The following MIS18A variants were observed in gnomAD, a reference collection of about 807,000 sequenced individuals.
MIS18A encodes the protein MIS18 kinetochore protein A.
A neutral mutation model predicts 25.0 loss-of-function variants in MIS18A; 14 were observed. The ratio of observed to expected loss-of-function variants is 0.56; its 90% CI spans 0.37 to 0.88. MIS18A has a LOEUF of 0.88. Among genes scored for constraint, MIS18A ranks in the 40% least tolerant of loss-of-function variants. The pLI, the probability that MIS18A is intolerant of heterozygous loss-of-function variation, is 0.00. For missense variants in MIS18A, 292 were observed against 290.8 expected, an observed-to-expected ratio of 1.00 and a Z score of -0.03; for synonymous variants, 134 against 118.6, an observed-to-expected ratio of 1.13 and a Z score of -0.84.
chr21:32,266,464 T>G (rs1481006748), downstream of MIS18A, among the ~76,000 whole-genome samples: 1 of 152,184 alleles, frequency 6.6e-6, no homozygotes, highest in Non-Finnish European at 1.5e-5. Flanking sequence ...GCAATAAATC[T>G]TGCTACTGCT....
At chr21:32,169,947 A>G in the MIS18A span, among the ~76,000 whole-genome samples, 2 of 152,214 alleles carry the variant, frequency 1.3e-5, no homozygotes, top group African/African-American at 2.4e-5. Flanking sequence ...TTTAATGTCC[A>G]GTATTCACAA....
At chr21:32,159,108 T>C in the MIS18A span, among the ~76,000 whole-genome samples, 3 of 152,198 alleles carry the variant, frequency 2.0e-5, no homozygotes, top group African/African-American at 7.2e-5. Context: ...ACAAAGATAT[T>C]GTACCTCTAA....
the MIS18A span, among the ~76,000 whole-genome samples, chr21:32,249,013 CT>C: frequency 3.9e-5 from 6 of 152,246 alleles, no homozygotes; most frequent in African/African-American, 1.4e-4. Context: ...AATGAAATTA[CT>C]TTTCCCCTGT....
At chr21:32,165,036 T>C in the MIS18A span, among the ~76,000 whole-genome samples, 1 of 152,112 alleles carries the variant, frequency 6.6e-6, no homozygotes, top group Non-Finnish European at 1.5e-5. Flanking sequence ...AGGATACAAT[T>C]AAAAAGGCAT....
At chr21:32,171,897 T>C in the MIS18A span, among the ~76,000 whole-genome samples, 3 of 152,000 alleles carry the variant, frequency 2.0e-5, no homozygotes, top group Admixed American at 2.0e-4. Flanking sequence ...GAAAACTTCA[T>C]ACTGCCAGAA....
At chr21:32,205,641 A>C in the MIS18A span, among the ~76,000 whole-genome samples, 1 of 152,124 alleles carries the variant, frequency 6.6e-6, no homozygotes, top group Non-Finnish European at 1.5e-5. Flanking sequence ...AATAAGAAAA[A>C]ATGACTTGTT....
chr21:32,156,138 C>T, the MIS18A span, among the ~76,000 whole-genome samples: 81,096 of 151,848 alleles, frequency 0.53, 21,850 homozygotes, highest in Middle Eastern at 0.68. Context: ...GAGATGTTTG[C>T]TTACCTTGGA....
chr21:32,275,384 A>C (rs2031791092), intron 1 of MIS18A, among the ~76,000 whole-genome samples: 1 of 152,324 alleles, frequency 6.6e-6, no homozygotes, highest in African/African-American at 2.4e-5. Flanking sequence ...TATCTGCCAG[A>C]TAGTGAAATT....
At chr21:32,214,913 G>A in the MIS18A span, among the ~76,000 whole-genome samples, 3 of 152,220 alleles carry the variant, frequency 2.0e-5, no homozygotes, top group Non-Finnish European at 4.4e-5. Flanking sequence ...GGTAAGTCCA[G>A]TGTGAGTCAA....
chr21:32,258,527 C>T, the MIS18A span, among the ~76,000 whole-genome samples: 2 of 152,072 alleles, frequency 1.3e-5, no homozygotes, highest in Non-Finnish European at 2.9e-5. Flanking sequence ...TGGTGAAATG[C>T]GGCCCCTTGT....
At chr21:32,158,303 A>C in the MIS18A span, among the ~76,000 whole-genome samples, 1 of 152,318 alleles carries the variant, frequency 6.6e-6, no homozygotes, top group East Asian at 1.9e-4. Flanking sequence ...TAAAGATATC[A>C]ATCTGAAGAA....
chr21:32,186,056 C>T, the MIS18A span, among the ~76,000 whole-genome samples: 1 of 152,114 alleles, frequency 6.6e-6, no homozygotes, highest in African/African-American at 2.4e-5. Flanking sequence ...TTTAATTTTG[C>T]TGCTGACAAT....
the MIS18A span, among the ~76,000 whole-genome samples, chr21:32,235,733 G>A: frequency 6.6e-6 from 1 of 152,168 alleles, no homozygotes; most frequent in Admixed American, 6.5e-5. Context: ...CCGCGTTCAG[G>A]CACGGTTTGA....
chr21:32,234,126 T>A, the MIS18A span, among the ~76,000 whole-genome samples: 2 of 152,218 alleles, frequency 1.3e-5, no homozygotes, highest in Non-Finnish European at 2.9e-5. Flanking sequence ...AAATGTACCA[T>A]AGCAGTGTTA....
chr21:32,275,895 T>TC (rs2123470824), intron 1 of MIS18A, among the ~76,000 whole-genome samples: 1 of 152,160 alleles, frequency 6.6e-6, no homozygotes, highest in East Asian at 1.9e-4. Flanking sequence ...CCCTGGCTCT[T>TC]CACTAACCTC....
chr21:32,186,663 TGAGA>T, the MIS18A span, among the ~76,000 whole-genome samples: 3 of 151,554 alleles, frequency 2.0e-5, no homozygotes, highest in African/African-American at 4.9e-5. Flanking sequence ...AGCGCAAGAG[TGAGA>T]GAGAGAAAGA....
chr21:32,165,281 G>A, the MIS18A span, among the ~76,000 whole-genome samples: 50 of 151,982 alleles, frequency 3.3e-4, no homozygotes, highest in South Asian at 0.01. Flanking sequence ...CAGAGATGGC[G>A]CCACCGCACT....
chr21:32,181,404 T>C, the MIS18A span, among the ~76,000 whole-genome samples: 2 of 152,138 alleles, frequency 1.3e-5, no homozygotes, highest in African/African-American at 4.8e-5. Flanking sequence ...GATATAGACA[T>C]TAATATGCTC....
the MIS18A span, among the ~76,000 whole-genome samples, chr21:32,190,326 C>A: frequency 1.3e-5 from 2 of 152,118 alleles, no homozygotes; most frequent in Non-Finnish European, 2.9e-5. Context: ...CACCTCTGTT[C>A]TACAGAGAAA....
Sources: allele counts gnomAD v4.1 joint callset (sites outside exome capture counted in the v4.1 genomes callset), GRCh38; gene constraint gnomAD v4.1.1; transcripts MANE v1.5; gene names NCBI Gene and HGNC (gene_info 2026-07-23, HGNC 2026-07-21).